Variants in ATXN7L1 observed in about 807,000 individuals in gnomAD.
ATXN7L1 encodes ataxin 7 like 1.
ATXN7L1 carries 15 observed loss-of-function variants against 70.8 expected under a neutral mutation model. That is an observed-to-expected ratio of 0.21 (90% CI 0.14 to 0.33). The LOEUF (loss-of-function observed/expected upper bound fraction) is 0.33, where lower values mean the gene tolerates loss of function less well. Ranked by LOEUF, ATXN7L1 falls within the 10% of genes least tolerant of loss-of-function variation. The pLI, the probability that ATXN7L1 is intolerant of heterozygous loss-of-function variation, is 1.00. For missense variants in ATXN7L1, 975 were observed against 1,097.1 expected (o/e 0.89, Z 1.57); for synonymous variants, 440 against 445.1 (o/e 0.99, Z 0.14).
chr7:105,658,918 C>T (rs28630405), intron 4 of ATXN7L1, among the ~76,000 whole-genome samples: 2 of 152,296 alleles, frequency 1.3e-5, no homozygotes, highest in African/African-American at 2.4e-5. Context: ...CCAAGGCAGA[C>T]GGATCATGAG....
At chr7:105,875,565 T>G (rs932566982) in intron 2 of ATXN7L1, among the ~76,000 whole-genome samples, 6 of 150,266 alleles carry the variant, frequency 4.0e-5, no homozygotes, top group Non-Finnish European at 8.9e-5. Context: ...ATCAGAAGGT[T>G]CAAACGTGGA....
chr7:105,784,212 C>T (rs1479872232), intron 3 of ATXN7L1, among the ~76,000 whole-genome samples: 1 of 152,156 alleles, frequency 6.6e-6, no homozygotes, highest in East Asian at 1.9e-4. Context: ...ACCCTCCCTC[C>T]CTTGGCCTCC....
At chr7:105,696,177 G>T (rs765469605) in intron 3 of ATXN7L1, among the ~76,000 whole-genome samples, 1 of 152,200 alleles carries the variant, frequency 6.6e-6, no homozygotes, top group African/African-American at 2.4e-5. Context: ...TGACTGTTAT[G>T]AAGGTCATGA....
At chr7:105,866,244 CT>C (rs1817457818) in intron 2 of ATXN7L1, among the ~76,000 whole-genome samples, 1 of 152,150 alleles carries the variant, frequency 6.6e-6, no homozygotes, top group Non-Finnish European at 1.5e-5. Flanking sequence ...CCGGTAAGTG[CT>C]TCTGTGTTCA....
chr7:105,658,018 T>C (rs1043230267), intron 4 of ATXN7L1, among the ~76,000 whole-genome samples: 2 of 152,186 alleles, frequency 1.3e-5, no homozygotes, highest in African/African-American at 2.4e-5. Context: ...GAAAATAATG[T>C]AATCTATCTC....
intron 2 of ATXN7L1, among the ~76,000 whole-genome samples, chr7:105,815,058 TC>T (rs1414246311): frequency 6.6e-6 from 1 of 152,250 alleles, no homozygotes; most frequent in Admixed American, 6.5e-5. Context: ...GCTCTCCTAT[TC>T]CTCTATCCCC....
chr7:105,787,731 T>C (rs1199481863), intron 3 of ATXN7L1, among the ~76,000 whole-genome samples: 3 of 152,234 alleles, frequency 2.0e-5, no homozygotes, highest in South Asian at 2.1e-4. Context: ...TTTGACTTTT[T>C]TTAGGCACAA....
chr7:105,652,528 G>A (rs767290965), intron 4 of ATXN7L1, among the ~76,000 whole-genome samples: 2 of 152,142 alleles, frequency 1.3e-5, no homozygotes, highest in Admixed American at 6.5e-5. Flanking sequence ...CACTCCCCTC[G>A]GCAGCCACCA....
intron 2 of ATXN7L1, among the ~76,000 whole-genome samples, chr7:105,817,354 GT>G (rs1563117343): frequency 6.6e-6 from 1 of 152,104 alleles, no homozygotes; most frequent in African/African-American, 2.4e-5. Context: ...TCTGTTGGTG[GT>G]TTTTTCTTCT....
chr7:105,803,262 A>G (rs1212612883), intron 2 of ATXN7L1, among the ~76,000 whole-genome samples: 2 of 152,208 alleles, frequency 1.3e-5, no homozygotes, highest in African/African-American at 4.8e-5. Context: ...GAGGGCATCC[A>G]TGCATCCACA....
intron 3 of ATXN7L1, among the ~76,000 whole-genome samples, chr7:105,682,889 T>A (rs1805717721): frequency 6.6e-6 from 1 of 152,200 alleles, no homozygotes; most frequent in African/African-American, 2.4e-5. Flanking sequence ...ACATTGCCAA[T>A]GTACTAAATG....
At chr7:105,652,843 C>CA (rs1800057156) in intron 4 of ATXN7L1, among the ~76,000 whole-genome samples, 1 of 152,226 alleles carries the variant, frequency 6.6e-6, no homozygotes, top group African/African-American at 2.4e-5. Context: ...AGCTTCTGGC[C>CA]AGGTACCCTG....
chr7:105,701,854 G>T (rs1299450304), intron 3 of ATXN7L1, among the ~76,000 whole-genome samples: 2 of 152,166 alleles, frequency 1.3e-5, no homozygotes, highest in South Asian at 2.1e-4. Context: ...ACAAGCATGA[G>T]CCACGGTGCC....
At chr7:105,648,479 T>G (rs1319740924) in intron 4 of ATXN7L1, among the ~76,000 whole-genome samples, 4 of 152,104 alleles carry the variant, frequency 2.6e-5, no homozygotes, top group Non-Finnish European at 5.9e-5. Flanking sequence ...AGTCCTGAAC[T>G]GAGAAAGCAA....
rs539855663 is a variant in ATXN7L1 at position 105,842,058 on chromosome 7, C to T, written c.250+33754G>A. On this transcript the variant is annotated intron_variant, in intron 2 of 11. Coordinates refer to ENST00000419735, the MANE Select transcript of ATXN7L1 (RefSeq NM_020725.2). Reference sequence around the variant, plus strand: ...AACTAGAATTCTTTGGCTCCCAGACCGTACTCTTCATGCCACGTCAAGCCA... The same window carrying T: ...AACTAGAATTCTTTGGCTCCCAGACTGTACTCTTCATGCCACGTCAAGCCA... Among the ~76,000 whole-genome samples the T allele has an allele frequency of 4.9e-4, 74 of 152,282 alleles. 2 individuals carry two copies. Among genetic ancestry groups the T allele is most frequent in the Non-Finnish European group, 2.5e-4 (17 of 68,024 alleles).
intron 3 of ATXN7L1, among the ~76,000 whole-genome samples, chr7:105,777,436 C>A (rs1002873541): frequency 6.6e-6 from 1 of 152,222 alleles, no homozygotes; most frequent in Admixed American, 6.5e-5. Flanking sequence ...CTTACTCAAC[C>A]TCTTGGCATT....
chr7:105,605,055 T>TTTTC lies in ATXN7L1; in HGVS notation c.*2796_*2797insGAAA, dbSNP rs1792699874. On this transcript the variant is annotated 3_prime_UTR_variant, in exon 12 of 12. Transcript: ENST00000419735. ...TTATCCAAGTCGCTTTTTTTTTTTT[T>TTTTC]TTTTTTTTTTTATGGCTGACAGGTC... 3 of 145,008 alleles carry TTTTC rather than the reference T, an allele frequency of 2.1e-5. No homozygotes were observed. The highest frequency in any genetic ancestry group is 4.5e-5 in the Non-Finnish European group (3 of 66,110). 9.0% of individuals were successfully genotyped at this position (145,008 alleles called of 1,614,324 possible). A position where few individuals can be genotyped will look rare whatever the true frequency, so the allele number is the denominator to read the frequency against.
intron 2 of ATXN7L1, among the ~76,000 whole-genome samples, chr7:105,798,178 G>C (rs964217027): frequency 5.9e-5 from 9 of 152,226 alleles, no homozygotes; most frequent in South Asian, 2.1e-4. Flanking sequence ...CAGTGGAGAA[G>C]TGGTCTATTC....
At chr7:105,846,515 G>A (rs1372808735) in intron 2 of ATXN7L1, among the ~76,000 whole-genome samples, 1 of 152,186 alleles carries the variant, frequency 6.6e-6, no homozygotes, top group Non-Finnish European at 1.5e-5. Context: ...TACATTGTTG[G>A]TGGGAATTTA....
Sources: gnomAD v4.1 joint callset for allele counts (sites outside exome capture counted in the v4.1 genomes callset) on GRCh38, gnomAD v4.1.1 for gene constraint, MANE v1.5 for transcripts, NCBI Gene and HGNC (gene_info 2026-07-23, HGNC 2026-07-21) for gene names.